Variants in LARP1B observed in about 807,000 individuals in gnomAD.
LARP1B encodes La ribonucleoprotein 1B.
Under a neutral mutation model 114.2 loss-of-function variants are expected in LARP1B, and 76 were observed. The observed-to-expected ratio is 0.67, with a 90% CI of 0.55 to 0.81. LARP1B has a LOEUF of 0.81. LARP1B is among the 30% of genes least tolerant of loss of function. The probability of loss-of-function intolerance (pLI) is 0.00; values close to 1 mark genes in which losing one functional copy is unlikely to be tolerated. For missense variants in LARP1B, 1,014 were observed against 1,075.8 expected, an observed-to-expected ratio of 0.94 and a Z score of 0.80; for synonymous variants, 345 against 348.0, an observed-to-expected ratio of 0.99 and a Z score of 0.10.
Position 128,108,591 on chromosome 4 carries a change from C to T in LARP1B, c.988+1278C>T, listed in dbSNP as rs1348767540. ...TCTTTGTCAGCCTTCTGCTTCTAAT[C>T]CCAGTAAGCAACTTGGACAGGCATT... On this transcript the variant is annotated intron_variant, in intron 9 of 19. Coordinates refer to ENST00000326639, the MANE Select transcript of LARP1B (RefSeq NM_018078.4). 18 of 985,454 alleles carry T rather than the reference C, an allele frequency of 1.8e-5. No individual in the cohort carries two copies. In the South Asian group the frequency reaches 7.5e-4, roughly 41 times the overall value. 61.0% of individuals were successfully genotyped at this position (985,454 alleles called of 1,614,324 possible).
At chr4:128,206,115 A>G (rs1757521521) in intron 17 of LARP1B, among the ~76,000 whole-genome samples, 1 of 152,086 alleles carries the variant, frequency 6.6e-6, no homozygotes, top group South Asian at 2.1e-4. Flanking sequence ...ACATGGTGAA[A>G]CCCCGTCTCT....
At chr4:128,212,912 C>CTTTTTTTTTTTTTTTT (rs1174891101), downstream of LARP1B, among the ~76,000 whole-genome samples, 1 of 83,740 alleles carries the variant, frequency 1.2e-5, no homozygotes, top group African/African-American at 4.8e-5. Flanking sequence ...AAATCTCTCT[C>CTTTTTTTTTTTTTTTT]TTTTTTTTTT....
rs150749510 is a variant in LARP1B at position 128,199,582 on chromosome 4, G to A, written c.2147G>A (p.Arg716His). 208 of 1,561,408 alleles carry A rather than the reference G, an allele frequency of 1.3e-4. No individual in the cohort carries two copies. Among genetic ancestry groups the A allele is most frequent in the Middle Eastern group, 5.1e-4 (3 of 5,906 alleles). Residue 716 changes from arginine (R) to histidine (H), a missense_variant, in exon 16 of 20, where the codon CGT (arginine) becomes CAT (histidine). Arg to His is a conservative substitution (Grantham distance 29). Coordinates refer to ENST00000326639, the MANE Select transcript of LARP1B (RefSeq NM_018078.4). ...GFTQQVYHKY[R>H]RRCLSERKRL... is the part of the protein sequence containing the mutation. ...ACCCAACAAGTGTACCACAAGTATC[G>A]TCGAAGATGCCTAAGTGGTAAGATG...
At chr4:128,062,549 A>G (rs968060273) in intron 1 of LARP1B, among the ~76,000 whole-genome samples, 4 of 146,754 alleles carry the variant, frequency 2.7e-5, no homozygotes, top group Non-Finnish European at 6.0e-5. Flanking sequence ...AAAGTAGCTA[A>G]CTTTAGATAC....
chr4:128,214,640 T>C, downstream of LARP1B, among the ~76,000 whole-genome samples: 4 of 119,302 alleles, frequency 3.4e-5, no homozygotes, highest in African/African-American at 6.5e-5. Flanking sequence ...AAAACCCATC[T>C]GTACATCACC....
At chr4:128,144,375 A>G (rs904387187) in intron 11 of LARP1B, among the ~76,000 whole-genome samples, 3 of 152,182 alleles carry the variant, frequency 2.0e-5, no homozygotes, top group Non-Finnish European at 4.4e-5. Context: ...GATGTTTTTC[A>G]TCAAATTTGG....
intron 11 of LARP1B, among the ~76,000 whole-genome samples, chr4:128,132,555 A>G (rs1446587893): frequency 6.6e-6 from 1 of 151,922 alleles, no homozygotes; most frequent in Non-Finnish European, 1.5e-5. Flanking sequence ...CAATTTTTAA[A>G]TTTTTATTTT....
intron 5 of LARP1B, among the ~76,000 whole-genome samples, chr4:128,088,685 G>A (rs146075259): frequency 1.3e-5 from 2 of 152,206 alleles, no homozygotes; most frequent in Middle Eastern, 3.4e-3. Flanking sequence ...TCATGATCAG[G>A]TTTTTAAAAA....
At chr4:128,220,727 T>A (rs1438581771) in intron 7 of LARP1B, among the ~76,000 whole-genome samples, 1 of 152,204 alleles carries the variant, frequency 6.6e-6, no homozygotes, top group Non-Finnish European at 1.5e-5. Flanking sequence ...TTTTTTTAAC[T>A]CTTGAGATGT....
At chr4:128,203,477 A>T (rs112386126) in intron 17 of LARP1B, among the ~76,000 whole-genome samples, 1 of 151,760 alleles carries the variant, frequency 6.6e-6, no homozygotes, top group African/African-American at 2.4e-5. Context: ...GGGTTCAAGC[A>T]ATTCTTCTGC....
Position 128,108,610 on chromosome 4 carries a change from AG to A in LARP1B, c.988+1299del, listed in dbSNP as rs1301485491. ...TCTAATCCCAGTAAGCAACTTGGAC[AG>A]GCATTTTAAAAGCTGAAGAAAAGTG... On this transcript the variant is annotated intron_variant, in intron 9 of 19. Coordinates refer to ENST00000326639, the MANE Select transcript of LARP1B (RefSeq NM_018078.4). 1.1e-5 allele frequency: 11 copies of A among 985,360 alleles called. No individual in the cohort carries two copies. The African/African-American group carries it at 1.7e-4, about 16-fold the overall frequency. The allele number at this position is 985,360 out of a possible 1,614,324, so 61.0% of individuals were successfully genotyped here.
rs1758800682 is a variant in LARP1B, at chr4:128,210,550, A to G, written c.*497A>G. On this transcript the variant is annotated 3_prime_UTR_variant, in exon 20 of 20. Transcript: ENST00000326639. ...ACCAAAACAAAGGAGGATTACGTAT[A>G]TGTTTTTTAAATTCAAAAAAGAATA... 1.0e-6 allele frequency: 1 copy of G among 958,954 alleles called. No individual in the cohort carries two copies. The highest frequency in any genetic ancestry group is 4.8e-5 in the South Asian group (1 of 20,832). 59.4% of individuals were successfully genotyped at this position (958,954 alleles called of 1,614,324 possible).
At chr4:128,201,307 A>G (rs562000419) in intron 17 of LARP1B, among the ~76,000 whole-genome samples, 1 of 152,276 alleles carries the variant, frequency 6.6e-6, no homozygotes, top group African/African-American at 2.4e-5. Flanking sequence ...ATCATTAGGA[A>G]CCATCTTAGA....
intron 15 of LARP1B, among the ~76,000 whole-genome samples, chr4:128,183,865 A>C (rs1229703275): frequency 6.6e-6 from 1 of 152,188 alleles, no homozygotes; most frequent in Non-Finnish European, 1.5e-5. Context: ...GTTGATTTCT[A>C]CCCTCATGGA....
Position 128,210,637 on chromosome 4 carries a change from A to G in LARP1B, c.*584A>G. 1 of 951,980 alleles carries G rather than the reference A, an allele frequency of 1.1e-6. No individual in the cohort carries two copies. The highest frequency in any genetic ancestry group is 1.3e-6 in the Non-Finnish European group (1 of 799,418). 59.0% of individuals were successfully genotyped at this position (951,980 alleles called of 1,614,324 possible). On this transcript the variant is annotated 3_prime_UTR_variant, in exon 20 of 20. Coordinates refer to ENST00000326639, the MANE Select transcript of LARP1B (RefSeq NM_018078.4). The stretch of plus-strand genomic sequence containing the variant: ...GTTTAAAGAAAACTTTTTTTAAAAC[A>G]AAAGTAGGAATATATAGTAAGATTG...
chr4:128,092,643 GACTCT>G, intron 7 of LARP1B: 1 of 295,452 alleles, frequency 3.4e-6, no homozygotes, highest in Non-Finnish European at 5.0e-6. Context: ...AAATAAAATA[GACTCT>G]ACTCTGTTAC....
At chr4:128,061,622 G>A (rs1760137225) in intron 1 of LARP1B, 1 of 951,712 alleles carries the variant, frequency 1.1e-6, no homozygotes, top group Admixed American at 6.2e-5. Flanking sequence ...CCGGTGTCCC[G>A]GCGGAGAGAC....
At chr4:128,155,205 C>T (rs1256150204) in intron 11 of LARP1B, among the ~76,000 whole-genome samples, 1 of 152,114 alleles carries the variant, frequency 6.6e-6, no homozygotes, top group Non-Finnish European at 1.5e-5. Flanking sequence ...GTTGTGCATC[C>T]AGTTGTGGTA....
intron 5 of LARP1B, among the ~76,000 whole-genome samples, chr4:128,083,162 G>A (rs1394438865): frequency 1.3e-5 from 2 of 152,186 alleles, no homozygotes; most frequent in Non-Finnish European, 2.9e-5. Flanking sequence ...GGATCCCAAG[G>A]CAGAAGAATT....
Sources: allele counts gnomAD v4.1 joint callset (sites outside exome capture counted in the v4.1 genomes callset), GRCh38; gene constraint gnomAD v4.1.1; transcripts MANE v1.5; gene names NCBI Gene and HGNC (gene_info 2026-07-23, HGNC 2026-07-21).